The following CA5B variants were observed in gnomAD, a reference collection of about 807,000 sequenced individuals.
The protein encoded by CA5B is carbonic anhydrase 5B, mitochondrial.
CA5B carries 15 observed loss-of-function variants against 23.1 expected under a neutral mutation model. The observed-to-expected ratio is 0.65, with a 90% CI of 0.43 to 1.00. The LOEUF (loss-of-function observed/expected upper bound fraction) is 1.00, where lower values mean the gene tolerates loss of function less well. CA5B is among the 50% of genes least tolerant of loss of function. CA5B has a pLI of 0.00. For synonymous variants in CA5B, 84 were observed against 98.5 expected, an observed-to-expected ratio of 0.85 and a Z score of 0.87; for missense variants, 236 against 252.2, an observed-to-expected ratio of 0.94 and a Z score of 0.43.
chrX:15,772,543 C>A lies in CA5B; in HGVS notation c.388C>A (p.His130Asn), dbSNP rs750298783. ...ACACAACTACCGATTGAAGCAGTTC[C>A]ATTTTCACTGGGGGGCCATCGATGC... ...LEHNYRLKQFHFHWGAIDAWG... is the reference protein window; with the variant it reads ...LEHNYRLKQFNFHWGAIDAWG... Residue 130 changes from histidine to asparagine, a missense_variant, in exon 4 of 8, where the codon CAT becomes AAT. His to Asn is a moderately conservative substitution (Grantham distance 68, BLOSUM62 1). Around this residue, in one of 3 missense-constraint regions of CA5B, gnomAD observed 170 missense variants for 162.0 expected, o/e 1.05. Coordinates refer to ENST00000318636, the MANE Select transcript of CA5B (RefSeq NM_007220.4). 46 of 1,207,350 alleles carry A rather than the reference C, an allele frequency of 3.8e-5. No individual in the cohort carries two copies. Among genetic ancestry groups the A allele is most frequent in the Non-Finnish European group, 5.0e-5 (45 of 893,314 alleles).
Position 15,764,794 on chromosome X carries a change from G to T in CA5B, c.340+19G>T. ...AAATCAGGTGAGGGCAAGATCTGGT[G>T]GTCTTGTAAGGAGTTAAAGAAACAG... On this transcript the variant is annotated intron_variant, in intron 3 of 7. Transcript: ENST00000318636. 6 of 1,008,422 alleles carry T rather than the reference G, an allele frequency of 5.9e-6. No individual in the cohort carries two copies. Among genetic ancestry groups the T allele is most frequent in the Non-Finnish European group, 8.1e-6 (6 of 742,562 alleles). 83.1% of individuals were successfully genotyped at this position (1,008,422 alleles called of 1,213,427 possible).
At chrX:15,765,028 G>C in intron 3 of CA5B, 1 of 359,517 alleles carries the variant, frequency 2.8e-6, no homozygotes, top group Non-Finnish European at 4.7e-6. Flanking sequence ...TTTATAATTG[G>C]TATAGAGCAT....
At chrX:15,752,095 T>C (rs1424357295) in intron 2 of CA5B, among the ~76,000 whole-genome samples, 1 of 111,644 alleles carries the variant, frequency 9.0e-6, no homozygotes, top group East Asian at 2.8e-4. Context: ...CCAAGGTGGT[T>C]GGGTTACAGC....
chrX:15,738,457 G>T (rs933218209), intron 1 of CA5B, 105 bp downstream of exon 1: 3 of 111,407 alleles, frequency 2.7e-5, no homozygotes, highest in African/African-American at 9.8e-5. Flanking sequence ...ACCGGGTTCC[G>T]GAGCTAGGAG....
intron 1 of CA5B, among the ~76,000 whole-genome samples, chrX:15,744,065 C>G: frequency 8.9e-6 from 1 of 112,000 alleles, no homozygotes; most frequent in Non-Finnish European, 1.9e-5. Context: ...AAGTCAGGCC[C>G]TCTGGAGCCC....
chrX:15,745,781 G>A (rs1036627812), intron 1 of CA5B: 8 of 111,016 alleles, frequency 7.2e-5, no homozygotes, highest in Non-Finnish European at 1.5e-4. Flanking sequence ...TTATCAGAGG[G>A]AATCCTGATT....
chrX:15,750,063 T>C lies in CA5B; in HGVS notation c.40T>C (p.Ser14Pro). The change falls in exon 2 of 8, where the codon TCT becomes CCT. Residue 14 changes from serine (S) to proline (P), a missense_variant. This residue lies in a region of CA5B where 54 missense variants were observed against 46.6 expected (regional missense o/e 1.16). Coordinates refer to ENST00000318636, the MANE Select transcript of CA5B (RefSeq NM_007220.4). ...MNSLRVILQA[S>P]PGKLLWRKFQ... ...CAGCCTGAGGGTCATTCTTCAAGCC[T>C]CTCCAGGCAAATTGCTGTGGAGAAA... 8.3e-7 allele frequency: 1 copy of C among 1,210,227 alleles called. No homozygotes were observed. The highest frequency in any genetic ancestry group is 1.7e-5 in the African/African-American group (1 of 57,740).
chrX:15,750,291 A>G, intron 2 of CA5B, 126 bp downstream of exon 2: 1 of 513,555 alleles, frequency 1.9e-6, no homozygotes, highest in Non-Finnish European at 3.2e-6. Context: ...AAAAATACTC[A>G]TCTTTATAAT....
At chrX:15,782,326 C>G (rs1029200031) in intron 7 of CA5B, among the ~76,000 whole-genome samples, 159 bp from the exon 8 acceptor site, 3 of 112,724 alleles carry the variant, frequency 2.7e-5, no homozygotes, top group African/African-American at 9.7e-5. Context: ...GCATTTTATT[C>G]CCTGTCAAGT....
At chrX:15,771,612 A>G (rs1931822982) in intron 3 of CA5B, among the ~76,000 whole-genome samples, 1 of 100,273 alleles carries the variant, frequency 1.0e-5, no homozygotes, top group African/African-American at 3.6e-5. Context: ...TTTTTTTTTA[A>G]TTTTTAGTAG....
At chrX:15,751,935 C>T (rs1931364207) in intron 2 of CA5B, among the ~76,000 whole-genome samples, 1 of 111,157 alleles carries the variant, frequency 9.0e-6, no homozygotes, top group African/African-American at 3.3e-5. Context: ...CACTTGTGAC[C>T]AAGAATGACC....
chrX:15,778,690 G>A (rs1018035773), intron 7 of CA5B, among the ~76,000 whole-genome samples: 2 of 111,627 alleles, frequency 1.8e-5, no homozygotes, highest in African/African-American at 6.5e-5. Context: ...GAGGCCTCAG[G>A]AAACTTAAAA....
chrX:15,769,477 T>C (rs1452372850), intron 3 of CA5B: 6 of 751,782 alleles, frequency 8.0e-6, no homozygotes, highest in Middle Eastern at 7.4e-4. Context: ...ATTCCTCTTA[T>C]TGGCACTGTC....
Position 15,776,338 on chromosome X carries a change from CAAAAAAA to C in CA5B, c.619-363_619-357del, listed in dbSNP as rs1204466142. On this transcript the variant is annotated intron_variant, in intron 6 of 7. Coordinates refer to ENST00000318636, the MANE Select transcript of CA5B (RefSeq NM_007220.4). ...TGGGCGACAGAGCGAGACTCTGTCT[CAAAAAAA>C]AAAAAAAAAAAAGAAAAAAGAAAAG... Among the ~76,000 whole-genome samples the C allele has an allele frequency of 3.2e-4, 14 of 43,658 alleles. No individual in the cohort carries two copies. In the Middle Eastern group the frequency reaches 0.044, roughly 138 times the overall value. 37.9% of individuals were successfully genotyped at this position (43,658 alleles called of 115,157 possible). A position where few individuals can be genotyped will look rare whatever the true frequency, so the allele number is the denominator to read the frequency against.
intron 5 of CA5B, 54 bp from the exon 6 acceptor site, chrX:15,775,192 T>C: frequency 1.1e-6 from 1 of 933,642 alleles, no homozygotes; most frequent in Non-Finnish European, 1.5e-6. Context: ...CTGTTACAGT[T>C]TCTACAGTGA....
chrX:15,770,445 G>T (rs1931795749), intron 3 of CA5B, among the ~76,000 whole-genome samples: 1 of 111,327 alleles, frequency 9.0e-6, no homozygotes, highest in Non-Finnish European at 1.9e-5. Context: ...CCATTTCTTT[G>T]TTTCTTTCCT....
At chrX:15,778,168 A>C (rs764441857) in intron 7 of CA5B, among the ~76,000 whole-genome samples, 1 of 112,163 alleles carries the variant, frequency 8.9e-6, no homozygotes, top group Non-Finnish European at 1.9e-5. Flanking sequence ...AAGGAAAGCT[A>C]ATAAGAAAAC....
In CA5B at chrX:15,782,726, GTTAAC is replaced by G. The variant is rs1932048358; in HGVS notation, c.*64_*68del. Reference sequence around the variant, plus strand: ...AATATATACTAGCTTACTATAAATTGTTAACTAGACTATTCTAAGTGCCTGCATTT... The same window carrying G: ...AATATATACTAGCTTACTATAAATTGTAGACTATTCTAAGTGCCTGCATTT... On this transcript the variant is annotated 3_prime_UTR_variant, in exon 8 of 8. Transcript: ENST00000318636. 2 of 868,766 alleles carry G rather than the reference GTTAAC, an allele frequency of 2.3e-6. No individual in the cohort carries two copies. Among genetic ancestry groups the G allele is most frequent in the Non-Finnish European group, 1.6e-6 (1 of 620,440 alleles). The allele number at this position is 868,766 out of a possible 1,213,427, so 71.6% of individuals were successfully genotyped here. A position where few individuals can be genotyped will look rare whatever the true frequency, so the allele number is the denominator to read the frequency against.
intron 2 of CA5B, among the ~76,000 whole-genome samples, chrX:15,753,480 G>T (rs1386791245): frequency 8.9e-6 from 1 of 112,371 alleles, no homozygotes; most frequent in Non-Finnish European, 1.9e-5. Context: ...CCTCTCTTAT[G>T]GGACCTTAAA....
Sources: allele counts gnomAD v4.1 joint callset (sites outside exome capture counted in the v4.1 genomes callset), GRCh38; gene constraint gnomAD v4.1.1; regional missense constraint gnomAD v4.1.1; transcripts MANE v1.5; gene names NCBI Gene and HGNC (gene_info 2026-07-23, HGNC 2026-07-21).